The following RFX4 variants were observed in gnomAD, a reference collection of about 807,000 sequenced individuals.
The protein encoded by RFX4 is regulatory factor X4.
RFX4 carries 10 observed loss-of-function variants against 95.0 expected under a neutral mutation model. The ratio of observed to expected loss-of-function variants is 0.11; its 90% CI spans 0.06 to 0.18. RFX4 has a LOEUF of 0.18. Ranked by LOEUF, RFX4 falls within the 10% of genes least tolerant of loss-of-function variation. RFX4 has a pLI of 1.00. For missense variants in RFX4, 640 were observed against 922.0 expected (o/e 0.69, Z 3.96); for synonymous variants, 321 against 340.7 (o/e 0.94, Z 0.64).
intron 7 of RFX4, among the ~76,000 whole-genome samples, chr12:106,694,165 C>T (rs936241563): frequency 6.6e-6 from 1 of 152,238 alleles, no homozygotes; most frequent in Non-Finnish European, 1.5e-5. Flanking sequence ...TTTCGATTTA[C>T]AGACCTGACT....
intron 17 of RFX4, among the ~76,000 whole-genome samples, chr12:106,754,480 C>T (rs779316203): frequency 1.3e-5 from 2 of 152,218 alleles, no homozygotes; most frequent in African/African-American, 2.4e-5. Flanking sequence ...AGCTTATGCT[C>T]CAGTGGGAGA....
intron 1 of RFX4, chr12:106,601,165 C>T: frequency 2.0e-6 from 3 of 1,490,124 alleles, no homozygotes; most frequent in Middle Eastern, 4.8e-4. Context: ...TGACCTGAGC[C>T]ACCCCCTGGA....
chr12:106,673,395 C>T lies in RFX4; in HGVS notation c.316-8598C>T, dbSNP rs1056522136. On this transcript the variant is annotated intron_variant, in intron 4 of 17. Coordinates refer to ENST00000392842, the MANE Select transcript of RFX4 (RefSeq NM_213594.3). The stretch of plus-strand genomic sequence containing the variant: ...TTGTCCCACTTCCGGCTGGTGAAGT[C>T]CCAGGAGGCAAGCCTGGGTACCCAG... Among the ~76,000 whole-genome samples the T allele has an allele frequency of 1.8e-4, 27 of 152,332 alleles. 1 individual carries two copies. Among genetic ancestry groups the T allele is most frequent in the African/African-American group, 6.0e-4 (25 of 41,572 alleles).
At chr12:106,666,865 T>A (rs1418391470) in intron 4 of RFX4, among the ~76,000 whole-genome samples, 11 of 152,200 alleles carry the variant, frequency 7.2e-5, no homozygotes, top group Admixed American at 7.2e-4. Flanking sequence ...TGTTTTAAAT[T>A]CCTGGTCTGA....
At chr12:106,608,446 T>C (rs1565948304) in intron 1 of RFX4, among the ~76,000 whole-genome samples, 1 of 152,192 alleles carries the variant, frequency 6.6e-6, no homozygotes, top group Non-Finnish European at 1.5e-5. Context: ...CCAAGTCTGG[T>C]TTTACAAACT....
chr12:106,759,744 C>G (rs956717496), intron 17 of RFX4, among the ~76,000 whole-genome samples: 1 of 152,160 alleles, frequency 6.6e-6, no homozygotes, highest in Non-Finnish European at 1.5e-5. Context: ...CCCTTGAGTT[C>G]CCAGACACCA....
At chr12:106,671,747 C>T (rs906175440) in intron 4 of RFX4, among the ~76,000 whole-genome samples, 4 of 152,192 alleles carry the variant, frequency 2.6e-5, no homozygotes, top group South Asian at 2.1e-4. Context: ...CTGCAACTTC[C>T]GCCTCTCAGG....
intron 1 of RFX4, among the ~76,000 whole-genome samples, chr12:106,605,372 G>A (rs995858640): frequency 2.6e-5 from 4 of 152,182 alleles, no homozygotes; most frequent in African/African-American, 9.6e-5. Context: ...TACCTGGCTT[G>A]TGAGACATGA....
chr12:106,715,688 T>G (rs1301047365), intron 11 of RFX4, 144 bp downstream of exon 11: 1 of 934,558 alleles, frequency 1.1e-6, no homozygotes, highest in African/African-American at 1.7e-5. Context: ...TCCTTTTAAA[T>G]GAGTCAGTCC....
chr12:106,718,042 C>T (rs1265814606), intron 11 of RFX4, among the ~76,000 whole-genome samples: 1 of 152,216 alleles, frequency 6.6e-6, no homozygotes, highest in Non-Finnish European at 1.5e-5. Context: ...TAAAAGTGCA[C>T]ATTAGTACTT....
intron 2 of RFX4, among the ~76,000 whole-genome samples, chr12:106,614,720 A>G (rs2040038742): frequency 6.6e-6 from 1 of 151,806 alleles, no homozygotes; most frequent in Non-Finnish European, 1.5e-5. Context: ...TGTGTTAGCC[A>G]GGATGGTCTC....
chr12:106,644,528 C>A (rs776053004), intron 3 of RFX4, among the ~76,000 whole-genome samples: 2 of 152,180 alleles, frequency 1.3e-5, no homozygotes, highest in Non-Finnish European at 2.9e-5. Context: ...CCACCCCACC[C>A]GGCGCCACTT....
chr12:106,651,238 C>T (rs996085321), intron 3 of RFX4, among the ~76,000 whole-genome samples: 1 of 152,136 alleles, frequency 6.6e-6, no homozygotes, highest in Non-Finnish European at 1.5e-5. Context: ...CCCCCAACTA[C>T]CGTGGCAGAA....
At chr12:106,590,009 T>A (rs1419878233) in intron 1 of RFX4, among the ~76,000 whole-genome samples, 1 of 152,254 alleles carries the variant, frequency 6.6e-6, no homozygotes, top group Non-Finnish European at 1.5e-5. Flanking sequence ...AAAAATGTCA[T>A]CTTTGCTTCC....
chr12:106,670,091 ATTATAAACACT>A (rs2137364818), intron 4 of RFX4, among the ~76,000 whole-genome samples: 1 of 152,304 alleles, frequency 6.6e-6, no homozygotes, highest in Non-Finnish European at 1.5e-5. Context: ...AGAGCCTGTA[ATTATAAACACT>A]CAATGCTTGT....
chr12:106,724,368 G>A (rs2042451110), intron 13 of RFX4, among the ~76,000 whole-genome samples: 2 of 152,294 alleles, frequency 1.3e-5, no homozygotes, highest in Admixed American at 6.5e-5. Flanking sequence ...CTGCCTGACC[G>A]CAAAGCCCAT....
At chr12:106,625,384 GC>G (rs2040274288) in intron 2 of RFX4, among the ~76,000 whole-genome samples, 1 of 152,170 alleles carries the variant, frequency 6.6e-6, no homozygotes, top group Non-Finnish European at 1.5e-5. Flanking sequence ...AGTCCTAAAT[GC>G]CTGATGGGTG....
At chr12:106,585,647 A>C (rs1565940174) in intron 1 of RFX4, 2 of 152,236 alleles carry the variant, frequency 1.3e-5, no homozygotes, top group Admixed American at 6.5e-5. Context: ...CCTGGCTTGC[A>C]GAGACGCGCG....
chr12:106,639,565 G>T (rs531837451), intron 3 of RFX4, among the ~76,000 whole-genome samples, 173 bp downstream of exon 3: 44 of 152,258 alleles, frequency 2.9e-4, no homozygotes, highest in Middle Eastern at 3.4e-3. Flanking sequence ...CTTAGATCTA[G>T]CCTGGAGATT....
Sources: allele counts gnomAD v4.1 joint callset (sites outside exome capture counted in the v4.1 genomes callset), GRCh38; gene constraint gnomAD v4.1.1; transcripts MANE v1.5; gene names NCBI Gene and HGNC (gene_info 2026-07-23, HGNC 2026-07-21).